The following UNC13C variants were observed in gnomAD, a reference collection of about 807,000 sequenced individuals.
UNC13C encodes unc-13 homolog C, also known as protein unc-13 homolog C.
A neutral mutation model predicts 245.4 loss-of-function variants in UNC13C; 174 were observed. The observed-to-expected ratio is 0.71, with a 90% CI of 0.63 to 0.80. UNC13C has a LOEUF of 0.80. Among genes scored for constraint, UNC13C ranks in the 30% least tolerant of loss-of-function variants. UNC13C has a pLI of 0.00. For missense variants in UNC13C, 2,829 were observed against 2,602.9 expected, an observed-to-expected ratio of 1.09 and a Z score of -1.89; for synonymous variants, 992 against 895.1, an observed-to-expected ratio of 1.11 and a Z score of -1.93.
intron 4 of UNC13C, among the ~76,000 whole-genome samples, chr15:54,165,880 T>C (rs1015616042): frequency 6.6e-5 from 10 of 152,098 alleles, no homozygotes; most frequent in Admixed American, 2.6e-4. Flanking sequence ...TTCTTGCCAA[T>C]CTGAAAGGTC....
At chr15:54,244,529 G>A (rs550388474) in intron 7 of UNC13C, among the ~76,000 whole-genome samples, 8 of 152,242 alleles carry the variant, frequency 5.3e-5, no homozygotes, top group African/African-American at 1.9e-4. Context: ...TAGTTTAAAG[G>A]GAGTGGCATT....
chr15:53,983,241 A>G (rs1347809391), intron 1 of UNC13C, among the ~76,000 whole-genome samples: 1 of 152,090 alleles, frequency 6.6e-6, no homozygotes, highest in Non-Finnish European at 1.5e-5. Context: ...TTAAAAGTAA[A>G]GAATATGTAC....
At chr15:54,280,170 G>C (rs1415081952) in intron 10 of UNC13C, among the ~76,000 whole-genome samples, 1 of 152,034 alleles carries the variant, frequency 6.6e-6, no homozygotes, top group African/African-American at 2.4e-5. Flanking sequence ...GTTCTGTGTA[G>C]TATTGCTTCC....
chr15:53,932,891 A>G, the UNC13C span, among the ~76,000 whole-genome samples: 8 of 152,222 alleles, frequency 5.3e-5, no homozygotes, highest in African/African-American at 1.9e-4. Flanking sequence ...AAAGAATTTT[A>G]TAATTAAACA....
chr15:54,620,785 C>CAAAAAA (rs34567553), intron 30 of UNC13C, among the ~76,000 whole-genome samples: 1 of 134,966 alleles, frequency 7.4e-6, no homozygotes. Flanking sequence ...GACCCTGTCT[C>CAAAAAA]AAAAAAAAAA....
intron 2 of UNC13C, chr15:54,048,735 G>T (rs929225714): frequency 1.8e-5 from 5 of 281,482 alleles, no homozygotes; most frequent in Non-Finnish European, 3.6e-5. Flanking sequence ...TCCATATTCA[G>T]GGAGAATAAC....
chr15:54,264,094 C>T lies in UNC13C; in HGVS notation c.3449-74C>T, dbSNP rs138053712. 1,178 of 1,448,422 alleles carry T rather than the reference C, an allele frequency of 8.1e-4. 3 individuals carry two copies. Among genetic ancestry groups the T allele is most frequent in the Non-Finnish European group, 1.0e-3 (1,062 of 1,057,224 alleles). The allele number at this position is 1,448,422 out of a possible 1,614,324, so 89.7% of individuals were successfully genotyped here. ...ACTCATTCATTCTCACTTCCTCCTC[C>T]TTTTCCTCCCTCCTTTAGCCATCAA... On this transcript the variant is annotated intron_variant, in intron 8 of 32. Coordinates refer to ENST00000260323, the MANE Select transcript of UNC13C (RefSeq NM_001080534.3).
intron 15 of UNC13C, among the ~76,000 whole-genome samples, chr15:54,333,404 C>G (rs2038492325): frequency 1.3e-5 from 2 of 151,832 alleles, no homozygotes; most frequent in Non-Finnish European, 2.9e-5. Context: ...AAGTAGTTAT[C>G]TTGAGAAAAT....
intron 14 of UNC13C, among the ~76,000 whole-genome samples, chr15:54,331,694 C>T (rs960015072): frequency 2.0e-5 from 3 of 152,176 alleles, no homozygotes; most frequent in South Asian, 2.1e-4. Context: ...CTCTTGCTGA[C>T]GCATTATATT....
At chr15:54,370,876 A>G (rs942669390) in intron 17 of UNC13C, among the ~76,000 whole-genome samples, 4 of 150,668 alleles carry the variant, frequency 2.7e-5, no homozygotes, top group Non-Finnish European at 4.4e-5. Context: ...TTTACTAATT[A>G]TAAACTTAAA....
intron 2 of UNC13C, among the ~76,000 whole-genome samples, chr15:54,078,372 T>C (rs1898749095): frequency 6.6e-6 from 1 of 152,222 alleles, no homozygotes; most frequent in Non-Finnish European, 1.5e-5. Context: ...GATTGTTTAA[T>C]CGAATTTTAG....
intron 30 of UNC13C, among the ~76,000 whole-genome samples, chr15:54,616,456 A>G (rs1273627554): frequency 1.3e-5 from 2 of 152,044 alleles, no homozygotes; most frequent in African/African-American, 4.8e-5. Context: ...GTATAGCAAT[A>G]TAATTATGTA....
At position 54,060,212 on chromosome 15, in the gene UNC13C, T is replaced by A. The variant is rs1450066625; in HGVS notation, c.2983+44326T>A. Among the ~76,000 whole-genome samples, 5 of 152,136 alleles carry A rather than the reference T, an allele frequency of 3.3e-5. No homozygotes were observed. In the East Asian group the frequency reaches 9.6e-4, roughly 29 times the overall value. On this transcript the variant is annotated intron_variant, in intron 2 of 32. Transcript: ENST00000260323. ...AGAATGGGAGAGAATTTTTGCAACC[T>A]ACTCACCTGATAGAGGGCTAATATC...
At position 54,424,081 on chromosome 15, in the gene UNC13C, C is replaced by T. The variant is rs1415363634; in HGVS notation, c.4933+9014C>T. Reference sequence around the variant, plus strand: ...TAAAGAGGATAAAATTATTCAGGAACAAATGAATATTATCTAAACTACTTG... The same window carrying T: ...TAAAGAGGATAAAATTATTCAGGAATAAATGAATATTATCTAAACTACTTG... On this transcript the variant is annotated intron_variant, in intron 19 of 32. Transcript: ENST00000260323. Among the ~76,000 whole-genome samples, 3 of 151,680 alleles carry T rather than the reference C, an allele frequency of 2.0e-5. No individual in the cohort carries two copies. The East Asian group carries it at 5.8e-4, about 30-fold the overall frequency.
chr15:54,570,533 T>C (rs1450449273), intron 30 of UNC13C, among the ~76,000 whole-genome samples: 1 of 152,140 alleles, frequency 6.6e-6, no homozygotes. Flanking sequence ...CAATAAAAAA[T>C]GGAGGCAAGC....
At chr15:54,323,680 C>T (rs73415705) in intron 14 of UNC13C, among the ~76,000 whole-genome samples, 2,155 of 152,060 alleles carry the variant, frequency 0.014, 49 homozygotes, top group East Asian at 0.089. Flanking sequence ...CGTTCCCTAG[C>T]CAGTTCAACA....
At chr15:54,116,178 A>G (rs1332877626) in intron 2 of UNC13C, among the ~76,000 whole-genome samples, 1 of 152,142 alleles carries the variant, frequency 6.6e-6, no homozygotes, top group Non-Finnish European at 1.5e-5. Flanking sequence ...TTCAAGGTAC[A>G]TGTGATAATC....
chr15:54,332,170 C>A, intron 15 of UNC13C, 59 bp downstream of exon 15: 4 of 1,226,078 alleles, frequency 3.3e-6, no homozygotes, highest in Non-Finnish European at 2.3e-6. Context: ...GAATTTCTTG[C>A]CATATTGTAA....
chr15:54,546,961 A>T, intron 27 of UNC13C, 116 bp downstream of exon 27: 2 of 962,252 alleles, frequency 2.1e-6, no homozygotes, highest in Non-Finnish European at 3.0e-6. Context: ...AGTGTTTGGT[A>T]TCCAGTTTCT....
Sources: gnomAD v4.1 joint callset for allele counts (sites outside exome capture counted in the v4.1 genomes callset) on GRCh38, gnomAD v4.1.1 for gene constraint, MANE v1.5 for transcripts, NCBI Gene and HGNC (gene_info 2026-07-23, HGNC 2026-07-21) for gene names.